TM9SF2: variants seen among roughly 807,000 people sequenced by gnomAD.
TM9SF2 encodes 76 kDa membrane protein.
A neutral mutation model predicts 84.9 loss-of-function variants in TM9SF2; 13 were observed. That is an observed-to-expected ratio of 0.15 (90% CI 0.10 to 0.24). The LOEUF (loss-of-function observed/expected upper bound fraction) is 0.24, where lower values mean the gene tolerates loss of function less well. Ranked by LOEUF, TM9SF2 falls within the 10% of genes least tolerant of loss-of-function variation. The probability of loss-of-function intolerance (pLI) is 1.00; values close to 1 mark genes in which losing one functional copy is unlikely to be tolerated. For missense variants in TM9SF2, 562 were observed against 818.5 expected (o/e 0.69, Z 3.82); for synonymous variants, 273 against 285.8 (o/e 0.96, Z 0.45).
At chr13:99,515,687 T>G (rs1566563881) in intron 1 of TM9SF2, among the ~76,000 whole-genome samples, 2 of 152,152 alleles carry the variant, frequency 1.3e-5, no homozygotes, top group Non-Finnish European at 2.9e-5. Context: ...TGGAGTACTT[T>G]GTAAACGTTA....
intron 5 of TM9SF2, among the ~76,000 whole-genome samples, chr13:99,537,421 G>A (rs1316658379): frequency 6.6e-6 from 1 of 152,084 alleles, no homozygotes; most frequent in Non-Finnish European, 1.5e-5. Flanking sequence ...AAATGTATAA[G>A]CATTAGTGTG....
At chr13:99,560,396 C>G (rs950370705) in intron 16 of TM9SF2, among the ~76,000 whole-genome samples, 1 of 152,134 alleles carries the variant, frequency 6.6e-6, no homozygotes, top group Admixed American at 6.5e-5. Flanking sequence ...ATTCTGTATT[C>G]CAGGTCATTG....
intron 4 of TM9SF2, among the ~76,000 whole-genome samples, chr13:99,530,630 A>G (rs1384894219): frequency 6.6e-6 from 1 of 152,198 alleles, no homozygotes; most frequent in East Asian, 1.9e-4. Flanking sequence ...ACATTGTTTT[A>G]TACTTGTGGG....
chr13:99,535,639 T>C (rs754605046), intron 4 of TM9SF2, among the ~76,000 whole-genome samples: 2 of 152,220 alleles, frequency 1.3e-5, no homozygotes, highest in African/African-American at 4.8e-5. Flanking sequence ...TGACGAGACA[T>C]GTTTTATTAG....
At chr13:99,557,461 A>G (rs1293517422) in intron 15 of TM9SF2, among the ~76,000 whole-genome samples, 1 of 152,154 alleles carries the variant, frequency 6.6e-6, no homozygotes, top group Non-Finnish European at 1.5e-5. Context: ...TTCTGGTTCT[A>G]TAGGTTATCC....
Position 99,525,612 on chromosome 13 carries a change from G to A in TM9SF2, c.334-3855G>A, listed in dbSNP as rs1354896816. 2.7e-5 allele frequency among the ~76,000 whole-genome samples: 4 copies of A among 149,076 alleles called. No individual in the cohort carries two copies. In the South Asian group the frequency reaches 8.5e-4, roughly 32 times the overall value. Reference sequence around the variant, plus strand: ...GCTCTGTAGCCCAGGCTGGAGTGCAGTGGCGTGATCTCGGCTTACTGCAAG... The same window carrying A: ...GCTCTGTAGCCCAGGCTGGAGTGCAATGGCGTGATCTCGGCTTACTGCAAG... On this transcript the variant is annotated intron_variant, in intron 3 of 16. Coordinates refer to ENST00000376387, the MANE Select transcript of TM9SF2 (RefSeq NM_004800.3).
At chr13:99,543,628 A>G (rs555885373) in intron 9 of TM9SF2, among the ~76,000 whole-genome samples, 2 of 152,214 alleles carry the variant, frequency 1.3e-5, no homozygotes, top group Non-Finnish European at 2.9e-5. Flanking sequence ...CTCAATAAGT[A>G]TATTTGTAGA....
intron 1 of TM9SF2, among the ~76,000 whole-genome samples, chr13:99,502,468 C>G (rs917366722): frequency 6.6e-6 from 1 of 152,086 alleles, no homozygotes. Flanking sequence ...AAAAAAGATA[C>G]GAGGTCTCAC....
intron 15 of TM9SF2, 99 bp from the exon 16 acceptor site, chr13:99,559,264 G>C: frequency 1.0e-6 from 1 of 989,440 alleles, no homozygotes; most frequent in South Asian, 2.1e-5. Context: ...AATTAGATTG[G>C]GGGCTGTCTC....
chr13:99,562,903 C>T lies in TM9SF2; in HGVS notation c.*145C>T, dbSNP rs777556392. On this transcript the variant is annotated 3_prime_UTR_variant, in exon 17 of 17. Coordinates refer to ENST00000376387, the MANE Select transcript of TM9SF2 (RefSeq NM_004800.3). ...CCGTAATTCTAAATAAACCTCTTCC[C>T]ATACACCTTTCCCCCATAAGATGTG... 38 of 664,472 alleles carry T rather than the reference C, an allele frequency of 5.7e-5. No individual in the cohort carries two copies. The highest frequency in any genetic ancestry group is 9.3e-5 in the Non-Finnish European group (37 of 398,088). 41.2% of individuals were successfully genotyped at this position (664,472 alleles called of 1,614,324 possible). A position where few individuals can be genotyped will look rare whatever the true frequency, so the allele number is the denominator to read the frequency against.
intron 12 of TM9SF2, among the ~76,000 whole-genome samples, chr13:99,551,730 A>G (rs1445543111): frequency 6.6e-6 from 1 of 152,222 alleles, no homozygotes; most frequent in African/African-American, 2.4e-5. Flanking sequence ...TTAACAAGGA[A>G]TTAGTAAGTA....
chr13:99,532,487 C>T (rs947118709), intron 4 of TM9SF2, among the ~76,000 whole-genome samples: 4 of 151,884 alleles, frequency 2.6e-5, no homozygotes, highest in Non-Finnish European at 4.4e-5. Context: ...GCCAGGAGTT[C>T]GAGACCAGCC....
At chr13:99,520,170 TTTTG>T in intron 3 of TM9SF2, 41 bp downstream of exon 3, 1 of 1,526,468 alleles carries the variant, frequency 6.6e-7, no homozygotes, top group Non-Finnish European at 8.9e-7. Context: ...TACTTACAGC[TTTTG>T]TTTTTGTTAT....
intron 2 of TM9SF2, among the ~76,000 whole-genome samples, chr13:99,519,084 C>T (rs532620261): frequency 1.1e-4 from 16 of 152,188 alleles, no homozygotes; most frequent in African/African-American, 1.4e-4. Context: ...AAAAAAGTTA[C>T]GACTATCCTA....
chr13:99,509,959 T>A (rs988978980), intron 1 of TM9SF2, among the ~76,000 whole-genome samples: 1 of 152,216 alleles, frequency 6.6e-6, no homozygotes, highest in African/African-American at 2.4e-5. Context: ...TATTTGACCC[T>A]TCAGCTAAGA....
intron 1 of TM9SF2, among the ~76,000 whole-genome samples, chr13:99,511,907 A>G (rs1279171718): frequency 6.6e-6 from 1 of 152,210 alleles, no homozygotes; most frequent in Non-Finnish European, 1.5e-5. Context: ...CAGCTTTTTA[A>G]CTTGTTTCCT....
At chr13:99,541,471 T>C (rs1238362452) in intron 8 of TM9SF2, 88 bp from the exon 9 acceptor site, 2 of 895,398 alleles carry the variant, frequency 2.2e-6, no homozygotes, top group East Asian at 2.6e-5. Flanking sequence ...AAGACTGTTT[T>C]AATGTTACTC....
intron 1 of TM9SF2, among the ~76,000 whole-genome samples, chr13:99,515,260 T>C (rs2046129052): frequency 6.6e-6 from 1 of 152,264 alleles, no homozygotes; most frequent in Admixed American, 6.5e-5. Flanking sequence ...CAGTCTTCTT[T>C]ATGTTAAATG....
chr13:99,559,301 G>A (rs927110654), intron 15 of TM9SF2, 62 bp from the exon 16 acceptor site: 1 of 1,416,440 alleles, frequency 7.1e-7, no homozygotes, highest in Non-Finnish European at 9.5e-7. Flanking sequence ...TTGAACCTTA[G>A]TAAGCTACAT....
Sources: allele counts gnomAD v4.1 joint callset (sites outside exome capture counted in the v4.1 genomes callset), GRCh38; gene constraint gnomAD v4.1.1; transcripts MANE v1.5; gene names NCBI Gene and HGNC (gene_info 2026-07-23, HGNC 2026-07-21).